The following DYM variants were observed in gnomAD, a reference collection of about 807,000 sequenced individuals.
The protein encoded by DYM is dymeclin.
A neutral mutation model predicts 93.1 loss-of-function variants in DYM; 78 were observed. That is an observed-to-expected ratio of 0.84 (90% CI 0.70 to 1.01). DYM has a LOEUF of 1.01. Among genes scored for constraint, DYM ranks in the 50% least tolerant of loss-of-function variants. The pLI, the probability that DYM is intolerant of heterozygous loss-of-function variation, is 0.00. For synonymous variants in DYM, 321 were observed against 319.7 expected (o/e 1.00, Z -0.04); for missense variants, 789 against 845.0 (o/e 0.93, Z 0.82).
intron 15 of DYM, among the ~76,000 whole-genome samples, chr18:49,124,987 C>T (rs930925918): frequency 2.6e-5 from 4 of 152,200 alleles, no homozygotes; most frequent in African/African-American, 7.2e-5. Context: ...AGGCCAGGCA[C>T]GGTGGCTCAC....
In DYM at chr18:49,256,617, T is replaced by G. The variant is rs2094398410; in HGVS notation, c.1460+393A>C. ...ATTTGTTATGGCAACAATAGGAAAC[T>G]AATACACGGGTGAACTGCTATAAAA... On this transcript the variant is annotated intron_variant, in intron 13 of 17. Coordinates refer to ENST00000675505, the MANE Select transcript of DYM (RefSeq NM_001353214.3). Among the ~76,000 whole-genome samples, 3 of 152,348 alleles carry G rather than the reference T, an allele frequency of 2.0e-5. No individual in the cohort carries two copies. In the South Asian group the frequency reaches 6.2e-4, roughly 32 times the overall value.
chr18:49,125,374 A>T (rs138677967), intron 15 of DYM, among the ~76,000 whole-genome samples: 266 of 152,324 alleles, frequency 1.7e-3, no homozygotes, highest in African/African-American at 5.8e-3. Context: ...TTTAACAACT[A>T]GTTGGCACTG....
intron 7 of DYM, 29 bp from the exon 8 acceptor site, chr18:49,332,035 T>G (rs1025831547): frequency 1.2e-6 from 2 of 1,604,542 alleles, no homozygotes; most frequent in Admixed American, 3.3e-5. Context: ...AAAATCAAAC[T>G]CATATTTATG....
At chr18:49,075,179 G>C (rs1186945404) in intron 17 of DYM, among the ~76,000 whole-genome samples, 2 of 152,146 alleles carry the variant, frequency 1.3e-5, no homozygotes, top group Non-Finnish European at 2.9e-5. Context: ...AGGACCTCAA[G>C]TACTTATGAT....
rs534319549 is a variant in DYM, at chr18:49,091,650, G to A, written c.2025+5752C>T. Among the ~76,000 whole-genome samples the A allele has an allele frequency of 5.3e-4, 80 of 152,324 alleles. 2 individuals carry two copies. The highest frequency in any genetic ancestry group is 1.7e-4 in the African/African-American group (7 of 41,576). On this transcript the variant is annotated intron_variant, in intron 17 of 17. Coordinates refer to ENST00000675505, the MANE Select transcript of DYM (RefSeq NM_001353214.3). ...ATTCCATGGGTCTGGGGTAGGGCCT[G>A]AGAACCTCCATTTCTAGCAAGTTCC...
rs188637040 is a variant in DYM at position 49,112,141 on chromosome 18, G to A, written c.1911+6603C>T. ...TCCTCTCCGCACCCCCCTCCCCTCC[G>A]CACCCCCACCCCTGCCAGCAATCTA... On this transcript the variant is annotated intron_variant, in intron 16 of 17. Transcript: ENST00000675505. Among the ~76,000 whole-genome samples, 939 of 109,038 alleles carry A rather than the reference G, an allele frequency of 8.6e-3. 4 individuals carry two copies. Among genetic ancestry groups the A allele is most frequent in the South Asian group, 0.021 (65 of 3,152 alleles). The allele number at this position is 109,038 out of a possible 152,430, so 71.5% of individuals were successfully genotyped here. A position where few individuals can be genotyped will look rare whatever the true frequency, so the allele number is the denominator to read the frequency against.
chr18:49,132,288 T>C (rs2083444787), intron 15 of DYM, among the ~76,000 whole-genome samples: 1 of 152,152 alleles, frequency 6.6e-6, no homozygotes, highest in African/African-American at 2.4e-5. Flanking sequence ...GGTAATGAGA[T>C]ATGGGGGTTC....
At chr18:49,370,241 G>A (rs2066887783) in intron 5 of DYM, among the ~76,000 whole-genome samples, 1 of 146,328 alleles carries the variant, frequency 6.8e-6, no homozygotes, top group Admixed American at 6.9e-5. Flanking sequence ...TCGCACCACT[G>A]CACTTCAGCC....
At chr18:49,436,381 T>C (rs1248630392) in intron 1 of DYM, among the ~76,000 whole-genome samples, 1 of 152,236 alleles carries the variant, frequency 6.6e-6, no homozygotes, top group Non-Finnish European at 1.5e-5. Context: ...GCAAAATAAG[T>C]AATGTTCTTG....
intron 15 of DYM, among the ~76,000 whole-genome samples, chr18:49,160,733 T>A (rs1307701999): frequency 6.6e-6 from 1 of 152,214 alleles, no homozygotes; most frequent in Non-Finnish European, 1.5e-5. Flanking sequence ...GTAAAACTTC[T>A]GTGAAAGAAA....
chr18:49,142,306 T>C (rs1270367530), intron 15 of DYM, among the ~76,000 whole-genome samples: 2 of 152,194 alleles, frequency 1.3e-5, no homozygotes, highest in Non-Finnish European at 2.9e-5. Flanking sequence ...AGATGTAGAA[T>C]TGAAACTCAA....
At chr18:49,264,101 G>GTT (rs66500150) in intron 11 of DYM, among the ~76,000 whole-genome samples, 32 of 135,566 alleles carry the variant, frequency 2.4e-4, no homozygotes, top group African/African-American at 6.7e-4. Context: ...GATGGGCGTT[G>GTT]TTTTTTTTTT....
chr18:49,326,990 A>C (rs2062927728), intron 8 of DYM, among the ~76,000 whole-genome samples: 1 of 99,134 alleles, frequency 1.0e-5, no homozygotes, highest in African/African-American at 4.7e-5. Flanking sequence ...ATTTTAAAAA[A>C]CCGTGTGTGT....
chr18:49,180,872 A>G (rs1325929091), intron 14 of DYM, among the ~76,000 whole-genome samples: 1 of 152,112 alleles, frequency 6.6e-6, no homozygotes, highest in Non-Finnish European at 1.5e-5. Context: ...TTAAGAGAGA[A>G]CCTATGGAAA....
At chr18:49,318,923 C>G (rs970164572) in intron 8 of DYM, among the ~76,000 whole-genome samples, 1 of 150,650 alleles carries the variant, frequency 6.6e-6, no homozygotes, top group Non-Finnish European at 1.5e-5. Flanking sequence ...GCCTCAGCCT[C>G]CCGAGTAGCT....
At chr18:49,082,725 G>T (rs1183860937) in intron 17 of DYM, among the ~76,000 whole-genome samples, 1 of 152,220 alleles carries the variant, frequency 6.6e-6, no homozygotes, top group Non-Finnish European at 1.5e-5. Flanking sequence ...GAAGTGGCAT[G>T]ATTGGCCAAA....
At chr18:49,181,216 T>C (rs375791792) in intron 14 of DYM, among the ~76,000 whole-genome samples, 14 of 152,204 alleles carry the variant, frequency 9.2e-5, no homozygotes, top group African/African-American at 3.1e-4. Context: ...GGATAAAAGT[T>C]AAGATGATTT....
At chr18:49,244,851 C>A (rs754950609) in intron 13 of DYM, among the ~76,000 whole-genome samples, 4 of 152,188 alleles carry the variant, frequency 2.6e-5, no homozygotes, top group Non-Finnish European at 5.9e-5. Context: ...ACTGCACCAT[C>A]AAGAACAAGA....
chr18:49,457,399 T>C (rs1238553161), intron 1 of DYM, among the ~76,000 whole-genome samples: 1 of 152,192 alleles, frequency 6.6e-6, no homozygotes, highest in Non-Finnish European at 1.5e-5. Context: ...AAACGAAATA[T>C]AGAAAAACTT....
Sources: gnomAD v4.1 joint callset for allele counts (sites outside exome capture counted in the v4.1 genomes callset) on GRCh38, gnomAD v4.1.1 for gene constraint, MANE v1.5 for transcripts, NCBI Gene and HGNC (gene_info 2026-07-23, HGNC 2026-07-21) for gene names.